PFKFB3: variants seen among roughly 807,000 people sequenced by gnomAD.
The protein encoded by PFKFB3 is 6-phosphofructo-2-kinase/fructose-2,6-bisphosphatase 3.
In PFKFB3, 33 loss-of-function variants were observed where a neutral mutation model predicts 68.0. The ratio of observed to expected loss-of-function variants is 0.49; its 90% CI spans 0.37 to 0.65. The LOEUF (loss-of-function observed/expected upper bound fraction) is 0.65, where lower values mean the gene tolerates loss of function less well. PFKFB3 is among the 30% of genes least tolerant of loss of function. PFKFB3 has a pLI of 0.00. For missense variants in PFKFB3, 586 were observed against 712.2 expected (o/e 0.82, Z 2.02); for synonymous variants, 315 against 288.2 (o/e 1.09, Z -0.94).
intron 1 of PFKFB3, among the ~76,000 whole-genome samples, chr10:6,167,564 A>G (rs1372586989): frequency 6.6e-6 from 1 of 152,248 alleles, no homozygotes; most frequent in Non-Finnish European, 1.5e-5. Flanking sequence ...ATGTGTATAA[A>G]GAGACAATAT....
At chr10:6,269,565 G>A in the PFKFB3 span, among the ~76,000 whole-genome samples, 1 of 152,210 alleles carries the variant, frequency 6.6e-6, no homozygotes, top group Non-Finnish European at 1.5e-5. Flanking sequence ...GGAAAATGCA[G>A]TGAATATAGG....
chr10:6,150,349 G>A (rs566090723), intron 1 of PFKFB3, among the ~76,000 whole-genome samples: 6 of 152,274 alleles, frequency 3.9e-5, no homozygotes, highest in African/African-American at 9.6e-5. Context: ...GGCCAGGCAC[G>A]GTGGCTCATG....
At position 6,196,258 on chromosome 10, in the gene PFKFB3, G is replaced by A. The variant is rs1024438144; in HGVS notation, c.17-17365G>A. On this transcript the variant is annotated intron_variant, in intron 1 of 14. Transcript: ENST00000379789. ...CGATTCTTCCACCTCAGCCTCCCAA[G>A]TAGCTGGGACCACAGGCGCCTGCTA... 6.6e-5 allele frequency among the ~76,000 whole-genome samples: 10 copies of A among 151,980 alleles called. 1 individual carries two copies. Among genetic ancestry groups the A allele is most frequent in the Non-Finnish European group, 1.2e-4 (8 of 68,020 alleles).
intron 14 of PFKFB3, among the ~76,000 whole-genome samples, chr10:6,226,855 G>A (rs892735007): frequency 7.2e-5 from 11 of 152,240 alleles, no homozygotes; most frequent in African/African-American, 2.7e-4. Context: ...GGAGGCCGAG[G>A]TGGGCGGATC....
intron 10 of PFKFB3, 138 bp downstream of exon 10, chr10:6,221,883 C>G (rs528187818): frequency 1.6e-6 from 1 of 620,680 alleles, no homozygotes; most frequent in African/African-American, 1.8e-5. Flanking sequence ...AACTGAGTCC[C>G]CCCAAACTGA....
Position 6,232,896 on chromosome 10 carries a change from A to T in PFKFB3, c.1517A>T (p.Asn506Ile). Residue 506 changes from asparagine (N) to isoleucine (I), a missense_variant and splice_region_variant, in exon 15 of 15, where the codon AAC becomes ATC. By Grantham distance (149) the Asn-to-Ile change is moderately radical. Transcript: ENST00000379775. ...ACCTCTCTTTTCTCCTGAAAACAGA[A>T]CATGAAAGGCTCCCGGAGCAGCGCT... is the stretch of plus-strand genomic sequence containing the variant. ...PEVPTQLPGQ[N>I]MKGSRSSADS... 6.2e-7 allele frequency: 1 copy of T among 1,612,992 alleles called. No homozygotes were observed. The highest frequency in any genetic ancestry group is 1.1e-5 in the South Asian group (1 of 91,056).
chr10:6,189,279 G>A lies in PFKFB3; in HGVS notation c.17-24344G>A, dbSNP rs571401576. Among the ~76,000 whole-genome samples the A allele has an allele frequency of 9.9e-4, 151 of 152,302 alleles. No homozygotes were observed. In the Middle Eastern group the frequency reaches 0.01, roughly 10 times the overall value. On this transcript the variant is annotated intron_variant, in intron 1 of 14. Transcript: ENST00000379789. Reference sequence around the variant, plus strand: ...TGCTGCAATGGGCATACGTGTGCACGTATCTCTTCCAGAGTCAGGTCACTT... The same window carrying A: ...TGCTGCAATGGGCATACGTGTGCACATATCTCTTCCAGAGTCAGGTCACTT...
At chr10:6,280,916 C>G in the PFKFB3 span, among the ~76,000 whole-genome samples, 1 of 151,582 alleles carries the variant, frequency 6.6e-6, no homozygotes, top group East Asian at 1.9e-4. Context: ...GAGCAGTATA[C>G]ACTGAACCCA....
chr10:6,218,596 T>A (rs1564631265), intron 6 of PFKFB3, among the ~76,000 whole-genome samples: 1 of 151,686 alleles, frequency 6.6e-6, no homozygotes, highest in African/African-American at 2.4e-5. Context: ...GCCCAGCTAA[T>A]TTTTTTTGTA....
At chr10:6,238,502 A>G (rs1012581039), downstream of PFKFB3, among the ~76,000 whole-genome samples, 1 of 145,158 alleles carries the variant, frequency 6.9e-6, no homozygotes, top group African/African-American at 2.5e-5. Flanking sequence ...AAAAAAAAAA[A>G]GATGTGAAGG....
chr10:6,231,933 T>C (rs1845776361), intron 14 of PFKFB3, among the ~76,000 whole-genome samples: 1 of 152,030 alleles, frequency 6.6e-6, no homozygotes, highest in Non-Finnish European at 1.5e-5. Context: ...GGTTCCTGAG[T>C]CTGGCCCACG....
At chr10:6,291,008 G>A in the PFKFB3 span, among the ~76,000 whole-genome samples, 1 of 151,934 alleles carries the variant, frequency 6.6e-6, no homozygotes, top group Non-Finnish European at 1.5e-5. Flanking sequence ...GCATACATGA[G>A]TTTCATTTTT....
the PFKFB3 span, among the ~76,000 whole-genome samples, chr10:6,295,206 A>G: frequency 1.3e-3 from 203 of 152,028 alleles, no homozygotes; most frequent in African/African-American, 4.8e-3. Flanking sequence ...ATAGGGTCTT[A>G]GGCTTGTAGA....
intron 1 of PFKFB3, among the ~76,000 whole-genome samples, chr10:6,187,198 T>TAACAAAAAA (rs1554844289): frequency 2.0e-4 from 29 of 142,096 alleles, no homozygotes; most frequent in African/African-American, 5.7e-4. Flanking sequence ...CTGTTTCTAC[T>TAACAAAAAA]AAAAAAAAAA....
chr10:6,176,674 C>G (rs1166736461), intron 1 of PFKFB3, among the ~76,000 whole-genome samples: 2 of 152,190 alleles, frequency 1.3e-5, no homozygotes, highest in Non-Finnish European at 2.9e-5. Flanking sequence ...ACTTGCACCA[C>G]CACACCCGGC....
intron 1 of PFKFB3, among the ~76,000 whole-genome samples, chr10:6,150,836 A>G (rs1046354068): frequency 1.3e-5 from 2 of 152,164 alleles, no homozygotes; most frequent in African/African-American, 2.4e-5. Context: ...CGTCTCTACT[A>G]AAAGTATGAA....
Position 6,154,586 on chromosome 10 carries a change from G to A in PFKFB3, c.16+9573G>A, listed in dbSNP as rs191133380. Among the ~76,000 whole-genome samples the A allele has an allele frequency of 5.3e-5, 8 of 152,248 alleles. No homozygotes were observed. The East Asian group carries it at 1.5e-3, about 29-fold the overall frequency. ...TGACACCATAAAACGTCTCCGCCAC[G>A]GGTGGCTACTATCCTGAGAGCAGAC... On this transcript the variant is annotated intron_variant, in intron 1 of 14. Transcript: ENST00000379789. The surrounding 1 kb of genome is among the most constrained non-coding windows in gnomAD (Gnocchi z 4.6).
Position 6,159,614 on chromosome 10 carries a change from C to T in PFKFB3, c.16+14601C>T, listed in dbSNP as rs545307826. Among the ~76,000 whole-genome samples the T allele has an allele frequency of 2.4e-4, 37 of 151,512 alleles. 1 individual carries two copies. The East Asian group carries it at 6.6e-3, about 27-fold the overall frequency. Reference sequence around the variant, plus strand: ...GGCTGAGACAGGAGAATCGCTTGAACCCGGGAGGAGGAGGTTGCGGTGAGC... The same window carrying T: ...GGCTGAGACAGGAGAATCGCTTGAATCCGGGAGGAGGAGGTTGCGGTGAGC... On this transcript the variant is annotated intron_variant, in intron 1 of 14. Transcript: ENST00000379789.
intron 1 of PFKFB3, among the ~76,000 whole-genome samples, chr10:6,209,099 G>GT (rs1414931094): frequency 5.3e-5 from 8 of 152,198 alleles, no homozygotes; most frequent in Non-Finnish European, 1.2e-4. Flanking sequence ...GTGAGCGAGC[G>GT]TGTCATGAAC....
Sources: allele counts gnomAD v4.1 joint callset (sites outside exome capture counted in the v4.1 genomes callset), GRCh38; gene constraint gnomAD v4.1.1; non-coding constraint Gnocchi (gnomAD v3.1); transcripts MANE v1.5; gene names NCBI Gene and HGNC (gene_info 2026-07-23, HGNC 2026-07-21).